CDH20: variants seen among roughly 807,000 people sequenced by gnomAD.
CDH20 encodes the protein cadherin 20, also known as cadherin-20.
CDH20 carries 29 observed loss-of-function variants against 74.2 expected under a neutral mutation model. That is an observed-to-expected ratio of 0.39 (90% confidence interval 0.29 to 0.53). The LOEUF (loss-of-function observed/expected upper bound fraction) is 0.53, where lower values mean the gene tolerates loss of function less well. Ranked by LOEUF, CDH20 falls within the 20% of genes least tolerant of loss-of-function variation. The probability of loss-of-function intolerance (pLI) is 0.69; values close to 1 mark genes in which losing one functional copy is unlikely to be tolerated. For missense variants in CDH20, 988 were observed against 1,048.3 expected, an observed-to-expected ratio of 0.94 and a Z score of 0.79; for synonymous variants, 469 against 405.4, an observed-to-expected ratio of 1.16 and a Z score of -1.88.
At chr18:61,454,912 C>T in intron 1 of CDH20, among the ~76,000 whole-genome samples, 1 of 152,144 alleles carries the variant, frequency 6.6e-6, no homozygotes, top group East Asian at 1.9e-4. Flanking sequence ...CTTGGAAAAG[C>T]ATCATGCGTG....
intron 1 of CDH20, among the ~76,000 whole-genome samples, chr18:61,477,927 A>G (rs2144397335): frequency 6.6e-6 from 1 of 152,246 alleles, no homozygotes; most frequent in Non-Finnish European, 1.5e-5. Context: ...GAGGCCAGGC[A>G]CGGTGGCTCA....
intron 3 of CDH20, among the ~76,000 whole-genome samples, 162 bp downstream of exon 3, chr18:61,499,642 C>T (rs1262919327): frequency 6.6e-6 from 1 of 152,096 alleles, no homozygotes; most frequent in Admixed American, 6.5e-5. Context: ...AAAATGACGA[C>T]CAAGCCCTTT....
Position 61,554,762 on chromosome 18 carries a change from G to C in CDH20, c.*67G>C. On this transcript the variant is annotated 3_prime_UTR_variant, in exon 12 of 12. Coordinates refer to ENST00000262717, the MANE Select transcript of CDH20 (RefSeq NM_031891.4). ...TCCGCGGGTGCTTCGCGGACAAGGT[G>C]CAGCCAACCACACGAGCAATACTGT... is the stretch of plus-strand genomic sequence containing the variant. The C allele has an allele frequency of 6.8e-7, 1 of 1,476,446 alleles. No individual in the cohort carries two copies. Among genetic ancestry groups the C allele is most frequent in the Non-Finnish European group, 9.0e-7 (1 of 1,113,338 alleles). The allele number at this position is 1,476,446 out of a possible 1,614,324, so 91.5% of individuals were successfully genotyped here.
chr18:61,540,546 C>T (rs1226605879), intron 9 of CDH20, among the ~76,000 whole-genome samples: 1 of 152,170 alleles, frequency 6.6e-6, no homozygotes, highest in Non-Finnish European at 1.5e-5. Context: ...CCTTATAAAA[C>T]TATCAGATCT....
chr18:61,400,732 G>T (rs1912128314), intron 1 of CDH20, among the ~76,000 whole-genome samples: 1 of 152,180 alleles, frequency 6.6e-6, no homozygotes, highest in Non-Finnish European at 1.5e-5. Context: ...AAATGTTCTT[G>T]TGTAAAGATA....
At chr18:61,522,628 C>T (rs1912251821) in intron 6 of CDH20, among the ~76,000 whole-genome samples, 1 of 152,100 alleles carries the variant, frequency 6.6e-6, no homozygotes, top group Admixed American at 6.5e-5. Flanking sequence ...GCAAAAATAA[C>T]AAAGCTGGAG....
intron 1 of CDH20, among the ~76,000 whole-genome samples, chr18:61,462,262 C>T (rs1909805294): frequency 6.6e-6 from 1 of 152,120 alleles, no homozygotes. Context: ...ACAATGTATA[C>T]ATATATCAAA....
intron 9 of CDH20, among the ~76,000 whole-genome samples, chr18:61,539,732 C>G (rs1189645795): frequency 2.0e-5 from 3 of 152,308 alleles, no homozygotes; most frequent in East Asian, 3.9e-4. Context: ...ACCTCCCTTT[C>G]TTAACTTCTG....
chr18:61,539,283 T>C lies in CDH20; in HGVS notation c.1530+138T>C, dbSNP rs771675164. ...CAAAACAGAGTCCCTAATTCCCGTA[T>C]ATCAGGTTTCAACCATTTATTTGTT... On this transcript the variant is annotated intron_variant, in intron 9 of 11. Coordinates refer to ENST00000262717, the MANE Select transcript of CDH20 (RefSeq NM_031891.4). 5 of 856,992 alleles carry C rather than the reference T, an allele frequency of 5.8e-6. No homozygotes were observed. In the African/African-American group the frequency reaches 8.5e-5, roughly 15 times the overall value. 53.1% of individuals were successfully genotyped at this position (856,992 alleles called of 1,614,324 possible). A position where few individuals can be genotyped will look rare whatever the true frequency, so the allele number is the denominator to read the frequency against.
intron 1 of CDH20, chr18:61,405,015 G>T (rs1040897719): frequency 4.3e-6 from 3 of 703,574 alleles, no homozygotes; most frequent in Admixed American, 1.8e-5. Flanking sequence ...GACCAACATT[G>T]CATAGTACTC....
intron 1 of CDH20, among the ~76,000 whole-genome samples, chr18:61,426,797 C>T (rs573945121): frequency 3.9e-5 from 6 of 152,308 alleles, no homozygotes; most frequent in Admixed American, 2.6e-4. Context: ...TCCTGGGACA[C>T]GTCCTCGTGG....
chr18:61,339,386 CACACAT>C (rs1374433701), intron 1 of CDH20, among the ~76,000 whole-genome samples: 47 of 151,118 alleles, frequency 3.1e-4, no homozygotes, highest in African/African-American at 1.1e-3. Context: ...CACACACACA[CACACAT>C]ATATATTGCA....
At chr18:61,549,829 C>A in intron 10 of CDH20, 149 bp from the exon 11 acceptor site, 3 of 796,518 alleles carry the variant, frequency 3.8e-6, no homozygotes, top group Non-Finnish European at 3.9e-6. Context: ...AATGCTGATC[C>A]AGGCAAACCC....
At chr18:61,429,056 C>T (rs1046746568) in intron 1 of CDH20, among the ~76,000 whole-genome samples, 9 of 152,056 alleles carry the variant, frequency 5.9e-5, no homozygotes, top group Admixed American at 2.0e-4. Flanking sequence ...CAGTGGAGAG[C>T]GTTATGTAGG....
chr18:61,356,991 G>T (rs1260472684), intron 1 of CDH20, among the ~76,000 whole-genome samples: 1 of 152,154 alleles, frequency 6.6e-6, no homozygotes, highest in Non-Finnish European at 1.5e-5. Context: ...TCAATAGCCT[G>T]CCTGATAGTA....
chr18:61,435,713 A>T (rs1399934075), intron 1 of CDH20, among the ~76,000 whole-genome samples: 1 of 149,862 alleles, frequency 6.7e-6, no homozygotes, highest in East Asian at 1.9e-4. Flanking sequence ...TTAATGTATT[A>T]TATTAAATTA....
At chr18:61,529,243 T>G (rs893319972) in intron 7 of CDH20, among the ~76,000 whole-genome samples, 2 of 152,372 alleles carry the variant, frequency 1.3e-5, no homozygotes, top group South Asian at 4.1e-4. Context: ...TCTGGGGCTT[T>G]AGTGCAGATA....
chr18:61,434,229 A>G (rs185866540), intron 1 of CDH20, among the ~76,000 whole-genome samples: 18 of 152,262 alleles, frequency 1.2e-4, no homozygotes, highest in African/African-American at 3.6e-4. Context: ...GGCCCATTTC[A>G]TCTATTAGAA....
At chr18:61,531,229 T>C (rs516154) in intron 7 of CDH20, among the ~76,000 whole-genome samples, 73,496 of 152,072 alleles carry the variant, frequency 0.48, 18,282 homozygotes, top group East Asian at 0.63. Context: ...GCTCCTGGTG[T>C]GTCAGCCCGG....
Sources: allele counts gnomAD v4.1 joint callset (sites outside exome capture counted in the v4.1 genomes callset), GRCh38; gene constraint gnomAD v4.1.1; transcripts MANE v1.5; gene names NCBI Gene and HGNC (gene_info 2026-07-23, HGNC 2026-07-21).